The following CDK14 variants were observed in gnomAD, a reference collection of about 807,000 sequenced individuals.
CDK14 encodes cyclin dependent kinase 14.
In CDK14, 34 loss-of-function variants were observed where a neutral mutation model predicts 60.7. The observed-to-expected ratio is 0.56, with a 90% CI of 0.43 to 0.75. The LOEUF (loss-of-function observed/expected upper bound fraction) is 0.75, where lower values mean the gene tolerates loss of function less well. Among genes scored for constraint, CDK14 ranks in the 30% least tolerant of loss-of-function variants. The probability of loss-of-function intolerance (pLI) is 0.00; values close to 1 mark genes in which losing one functional copy is unlikely to be tolerated. For synonymous variants in CDK14, 197 were observed against 203.7 expected (o/e 0.97, Z 0.28); for missense variants, 482 against 564.1 (o/e 0.85, Z 1.47).
chr7:90,915,610 G>A (rs140803692), intron 7 of CDK14, among the ~76,000 whole-genome samples: 181 of 152,336 alleles, frequency 1.2e-3, no homozygotes, highest in African/African-American at 4.0e-3. Flanking sequence ...GTTCATTGGA[G>A]GAAGCAGTTC....
chr7:90,948,355 C>G (rs895637297), intron 8 of CDK14, among the ~76,000 whole-genome samples: 1 of 152,124 alleles, frequency 6.6e-6, no homozygotes, highest in Non-Finnish European at 1.5e-5. Context: ...ATTTTGCATT[C>G]TCTGCTAATG....
chr7:91,129,743 C>T (rs967532030), intron 14 of CDK14, among the ~76,000 whole-genome samples: 3 of 152,078 alleles, frequency 2.0e-5, no homozygotes, highest in Admixed American at 6.6e-5. Context: ...AATTTGAGAA[C>T]TCTATGGGTA....
intron 14 of CDK14, among the ~76,000 whole-genome samples, chr7:91,139,820 T>C (rs1172003682): frequency 6.8e-6 from 1 of 147,864 alleles, no homozygotes; most frequent in African/African-American, 2.5e-5. Flanking sequence ...CTTTCTTTTC[T>C]TTTCTTTCTT....
intron 8 of CDK14, among the ~76,000 whole-genome samples, chr7:90,938,010 C>T (rs576955329): frequency 5.8e-4 from 89 of 152,200 alleles, no homozygotes; most frequent in Non-Finnish European, 1.1e-3. Flanking sequence ...TCATGTTACA[C>T]AATTTTTATA....
chr7:90,965,703 T>C (rs1794732609), intron 9 of CDK14, among the ~76,000 whole-genome samples: 1 of 152,232 alleles, frequency 6.6e-6, no homozygotes, highest in Non-Finnish European at 1.5e-5. Context: ...AGATACAGTT[T>C]TCAAATTCTT....
chr7:90,726,316 C>A, intron 2 of CDK14: 24 of 983,622 alleles, frequency 2.4e-5, no homozygotes, highest in Non-Finnish European at 2.9e-5. Flanking sequence ...TACTAGCAGC[C>A]TGGGCCTTAA....
Position 90,917,698 on chromosome 7 carries a change from C to A in CDK14, c.800C>A (p.Thr267Lys). 6.2e-7 allele frequency: 1 copy of A among 1,613,212 alleles called. No individual in the cohort carries two copies. Among genetic ancestry groups the A allele is most frequent in the Non-Finnish European group, 8.5e-7 (1 of 1,179,412 alleles). Residue 267 changes from threonine (T) to lysine (K), a missense_variant, in exon 8 of 15, where the codon ACG (threonine) becomes AAG (lysine). Physicochemically the swap from Thr to Lys is moderately conservative, Grantham distance 78 (BLOSUM62 -1). Transcript: ENST00000380050. ...CCACAGAACCTTCTGATCAGTGACACGGGGGAGTTAAAGCTGGCAGATTTC... is the reference window on the plus strand; with the variant it reads ...CCACAGAACCTTCTGATCAGTGACAAGGGGGAGTTAAAGCTGGCAGATTTC... ...LKPQNLLISD[T>K]GELKLADFGL... is the part of the protein sequence containing the mutation.
At chr7:90,771,670 A>G (rs573323321) in intron 4 of CDK14, among the ~76,000 whole-genome samples, 2 of 152,320 alleles carry the variant, frequency 1.3e-5, no homozygotes, top group South Asian at 4.1e-4. Context: ...TAAAGAACCA[A>G]TTGGGGGCTG....
intron 2 of CDK14, among the ~76,000 whole-genome samples, chr7:90,621,613 TTTCCTTCC>T (rs3835010): frequency 0.073 from 9,381 of 128,090 alleles, 396 homozygotes; most frequent in South Asian, 0.095. Flanking sequence ...TCAGACTTTT[TTTCCTTCC>T]TTCCTTCCTT....
At chr7:91,154,366 A>G (rs900180715) in intron 14 of CDK14, among the ~76,000 whole-genome samples, 1 of 151,794 alleles carries the variant, frequency 6.6e-6, no homozygotes, top group South Asian at 2.1e-4. Flanking sequence ...TCCTAACTAC[A>G]TGATTCATGT....
chr7:91,195,811 C>T (rs1802517379), intron 14 of CDK14, among the ~76,000 whole-genome samples: 1 of 152,186 alleles, frequency 6.6e-6, no homozygotes, highest in Non-Finnish European at 1.5e-5. Context: ...GCCTCCAACA[C>T]CTCCTCTCTG....
At chr7:91,149,848 T>C (rs903213676) in intron 14 of CDK14, among the ~76,000 whole-genome samples, 7 of 152,202 alleles carry the variant, frequency 4.6e-5, no homozygotes, top group African/African-American at 1.7e-4. Context: ...TTACTGACCC[T>C]GTGCATCCAA....
chr7:91,139,810 C>CTTTCTTTCTTTCT (rs762425274), intron 14 of CDK14, among the ~76,000 whole-genome samples: 44 of 136,112 alleles, frequency 3.2e-4, no homozygotes, highest in Middle Eastern at 7.2e-3. Context: ...TTCTTTCTTT[C>CTTTCTTTCTTTCT]TTTCTTTTCT....
intron 4 of CDK14, among the ~76,000 whole-genome samples, chr7:90,784,792 T>G (rs1805501846): frequency 6.6e-6 from 1 of 152,184 alleles, no homozygotes; most frequent in African/African-American, 2.4e-5. Flanking sequence ...AGAATTGAAT[T>G]TAGATGACAG....
In CDK14 at chr7:90,596,608, C is replaced by G; in HGVS notation, c.-20C>G. On this transcript the variant is annotated 5_prime_UTR_variant, in exon 1 of 15. Coordinates refer to ENST00000380050, the MANE Select transcript of CDK14 (RefSeq NM_001287135.2). ...GCCTGGACCAGTTTGGGGAAGTTGT[C>G]GGGGCTCCGCGTCGCCCAGATGTGT... The G allele has an allele frequency of 6.2e-7, 1 of 1,607,980 alleles. No individual in the cohort carries two copies. Among genetic ancestry groups the G allele is most frequent in the Non-Finnish European group, 8.5e-7 (1 of 1,176,250 alleles).
Position 90,989,001 on chromosome 7 carries a change from A to AGTGTGTGTGTGT in CDK14, c.1041+4775_1041+4786dup, listed in dbSNP as rs10696275. On this transcript the variant is annotated intron_variant, in intron 10 of 14. Coordinates refer to ENST00000380050, the MANE Select transcript of CDK14 (RefSeq NM_001287135.2). ...CAGAATTTGAGTGTGTTTGTGTGTG[A>AGTGTGTGTGTGT]GTGTGTGTGTGTGTGTGTGTGTGTG... Among the ~76,000 whole-genome samples, 988 of 149,838 alleles carry AGTGTGTGTGTGT rather than the reference A, an allele frequency of 6.6e-3. 6 individuals carry two copies. Among genetic ancestry groups the AGTGTGTGTGTGT allele is most frequent in the African/African-American group, 0.014 (586 of 40,660 alleles).
chr7:90,620,514 C>T (rs1799744133), intron 2 of CDK14, among the ~76,000 whole-genome samples: 1 of 152,132 alleles, frequency 6.6e-6, no homozygotes, highest in Non-Finnish European at 1.5e-5. Flanking sequence ...GTCCCCGTAT[C>T]CCTATTTATA....
chr7:91,088,324 A>G (rs530569985), intron 12 of CDK14, among the ~76,000 whole-genome samples: 2 of 152,246 alleles, frequency 1.3e-5, no homozygotes, highest in East Asian at 3.9e-4. Flanking sequence ...ACCCTAAGGC[A>G]CAGATCCCAT....
chr7:90,603,307 G>A (rs1390219109), intron 1 of CDK14, among the ~76,000 whole-genome samples: 1 of 152,158 alleles, frequency 6.6e-6, no homozygotes, highest in Admixed American at 6.5e-5. Context: ...CTAAAGCTAT[G>A]AACAGTCACG....
Sources: allele counts gnomAD v4.1 joint callset (sites outside exome capture counted in the v4.1 genomes callset), GRCh38; gene constraint gnomAD v4.1.1; transcripts MANE v1.5; gene names NCBI Gene and HGNC (gene_info 2026-07-23, HGNC 2026-07-21).